The following CEACAM1 variants were observed in gnomAD, a reference collection of about 807,000 sequenced individuals.
CEACAM1 encodes the protein CEA cell adhesion molecule 1.
In CEACAM1, 31 loss-of-function variants were observed where a neutral mutation model predicts 49.1. That is an observed-to-expected ratio of 0.63 (90% CI 0.47 to 0.85). The LOEUF (loss-of-function observed/expected upper bound fraction) is 0.85. Among genes scored for constraint, CEACAM1 ranks in the 40% least tolerant of loss-of-function variants. CEACAM1 has a pLI of 0.00. For missense variants in CEACAM1, 570 were observed against 645.3 expected (o/e 0.88, Z 1.26); for synonymous variants, 244 against 247.8 (o/e 0.98, Z 0.14).
intron 5 of CEACAM1, among the ~76,000 whole-genome samples, chr19:42,513,437 A>G (rs550538939): frequency 1.8e-3 from 269 of 152,104 alleles, no homozygotes; most frequent in African/African-American, 6.1e-3. Context: ...TCTCTACTAA[A>G]AATACAAAAT....
intron 2 of CEACAM1, among the ~76,000 whole-genome samples, chr19:42,522,422 A>G (rs1410921189): frequency 2.0e-5 from 3 of 151,848 alleles, no homozygotes; most frequent in Non-Finnish European, 4.4e-5. Flanking sequence ...TTACAGGCAC[A>G]TGCCACCATG....
At chr19:42,521,246 G>A in intron 4 of CEACAM1, 21 bp downstream of exon 4, 1 of 1,611,466 alleles carries the variant, frequency 6.2e-7, no homozygotes, top group African/African-American at 1.3e-5. Flanking sequence ...TCTTAGTGTT[G>A]ATGCTCCAGG....
At chr19:42,519,849 G>A (rs1359736718) in intron 4 of CEACAM1, among the ~76,000 whole-genome samples, 2 of 152,188 alleles carry the variant, frequency 1.3e-5, no homozygotes, top group Non-Finnish European at 2.9e-5. Context: ...GATTACAGGC[G>A]TGAGCCACTG....
rs1257076171 is a variant in CEACAM1 at position 42,515,190 on chromosome 19, G to A, written c.1247-2711C>T. 5.7e-6 allele frequency: 3 copies of A among 528,384 alleles called. No homozygotes were observed. In the East Asian group the frequency reaches 9.8e-5, roughly 17 times the overall value. 32.7% of individuals were successfully genotyped at this position (528,384 alleles called of 1,614,324 possible). A position where few individuals can be genotyped will look rare whatever the true frequency, so the allele number is the denominator to read the frequency against. On this transcript the variant is annotated intron_variant, in intron 5 of 8. Transcript: ENST00000161559. Reference sequence around the variant, plus strand: ...AGGTGAGGGAATTGCTTGAGCCCAGGAGGTTGAGGCTGCAGTGAGCTGTGT... The same window carrying A: ...AGGTGAGGGAATTGCTTGAGCCCAGAAGGTTGAGGCTGCAGTGAGCTGTGT...
chr19:42,521,808 G>A, intron 3 of CEACAM1, 116 bp downstream of exon 3: 1 of 1,576,358 alleles, frequency 6.3e-7, no homozygotes, highest in Non-Finnish European at 8.6e-7. Flanking sequence ...GGCCAGCCTG[G>A]GTGTCCAGGG....
chr19:42,521,308 G>T lies in CEACAM1; in HGVS notation c.917C>A (p.Thr306Asn). 6.2e-7 allele frequency: 1 copy of T among 1,614,198 alleles called. No homozygotes were observed. The highest frequency in any genetic ancestry group is 8.5e-7 in the Non-Finnish European group (1 of 1,180,012). Residue 306 changes from threonine (T) to asparagine (N), a missense_variant, in exon 4 of 9, where the codon ACT becomes AAT. Coordinates refer to ENST00000161559, the MANE Select transcript of CEACAM1 (RefSeq NM_001712.5). ...SYTCHANNSV[T>N]GCNRTTVKTI... ...CTTGACTGTGGTCCTGTTGCAGCCA[G>T]TGACTGAGTTATTGGCGTGGCAGGT...
At chr19:42,518,730 G>C (rs921280290) in intron 5 of CEACAM1, 26 of 567,958 alleles carry the variant, frequency 4.6e-5, no homozygotes, top group Middle Eastern at 9.6e-4. Context: ...TCGATCTCCT[G>C]CCCTCGTGAT....
At chr19:42,527,740 C>T in intron 1 of CEACAM1, 1 of 252,904 alleles carries the variant, frequency 4.0e-6, no homozygotes, top group South Asian at 8.2e-5. Flanking sequence ...TATTCCCTTT[C>T]TGACCTTTTT....
chr19:42,511,470 G>A lies in CEACAM1; in HGVS notation c.1429+106C>T. ...GTTGGGAAATAGAGATCCTTTCTGT[G>A]AAAATTCAGAAGGGAGGGAGTGGTT... On this transcript the variant is annotated intron_variant, in intron 7 of 8. Coordinates refer to ENST00000161559, the MANE Select transcript of CEACAM1 (RefSeq NM_001712.5). 6.2e-6 allele frequency: 6 copies of A among 962,276 alleles called. No individual in the cohort carries two copies. In the South Asian group the frequency reaches 6.6e-5, roughly 11 times the overall value. The allele number at this position is 962,276 out of a possible 1,614,324, so 59.6% of individuals were successfully genotyped here.
At chr19:42,514,479 A>G (rs1005085849) in intron 5 of CEACAM1, among the ~76,000 whole-genome samples, 2 of 152,150 alleles carry the variant, frequency 1.3e-5, no homozygotes, top group Admixed American at 1.3e-4. Context: ...GGGTTCCACT[A>G]TATTGCCTAG....
intron 2 of CEACAM1, among the ~76,000 whole-genome samples, chr19:42,524,392 G>A (rs1395388383): frequency 6.6e-6 from 1 of 152,196 alleles, no homozygotes; most frequent in Admixed American, 6.5e-5. Context: ...CATGGGCTTT[G>A]GGGACTGCAG....
Position 42,521,476 on chromosome 19 carries a change from C to T in CEACAM1, c.749G>A (p.Arg250His), listed in dbSNP as rs539432247. The T allele has an allele frequency of 4.7e-5, 76 of 1,614,078 alleles. No homozygotes were observed. The South Asian group carries it at 5.1e-4, about 11-fold the overall frequency. Residue 250 changes from arginine (R) to histidine (H), a missense_variant, in exon 4 of 9, where the codon CGT becomes CAT. Transcript: ENST00000161559. ...GGAGAGGCTGAGGTTTGCCCCTGGA[C>T]GGTAATAGGTGTCTGAAGGGGAAAT... ...PTISPSDTYY[R>H]PGANLSLSCY...
intron 8 of CEACAM1, among the ~76,000 whole-genome samples, chr19:42,510,403 A>G (rs141359418): frequency 1.4e-5 from 2 of 142,460 alleles, no homozygotes; most frequent in East Asian, 4.0e-4. Flanking sequence ...GAAAAATTCT[A>G]TAAAATTATT....
At chr19:42,511,737 A>G (rs1052178728) in intron 6 of CEACAM1, 109 bp from the exon 7 acceptor site, 154 of 993,668 alleles carry the variant, frequency 1.5e-4, no homozygotes, top group Middle Eastern at 1.1e-3. Context: ...CTTGATGTTC[A>G]TACTGCCTTT....
In CEACAM1 at chr19:42,527,264, C is replaced by T. The variant is rs2041915887; in HGVS notation, c.201G>A (p.Trp67Ter). The part of the protein sequence containing the change: ...NLPQQLFGYS[W>*]YKGERVDGNR... Reference sequence around the variant, plus strand: ...TGCCATCCACTCTTTCCCCTTTGTACCAGCTGTAGCCAAAAAGTTGCTGGG... The same window carrying T: ...TGCCATCCACTCTTTCCCCTTTGTATCAGCTGTAGCCAAAAAGTTGCTGGG... The change falls in exon 2 of 9, where the codon TGG becomes TGA. Residue 67 changes from tryptophan to a stop codon, truncating the protein, a stop_gained. Coordinates refer to ENST00000161559, the MANE Select transcript of CEACAM1 (RefSeq NM_001712.5). LOFTEE classifies it high-confidence loss of function. 3 of 1,613,872 alleles carry T rather than the reference C, an allele frequency of 1.9e-6. No individual in the cohort carries two copies. The highest frequency in any genetic ancestry group is 2.5e-6 in the Non-Finnish European group (3 of 1,179,962).
intron 5 of CEACAM1, chr19:42,518,474 T>C: frequency 6.1e-6 from 1 of 164,800 alleles, no homozygotes; most frequent in Non-Finnish European, 1.3e-5. Flanking sequence ...AGTATATGTA[T>C]ATTTGATTCA....
At chr19:42,511,302 G>T in intron 7 of CEACAM1, 2 of 584,692 alleles carry the variant, frequency 3.4e-6, no homozygotes, top group Non-Finnish European at 6.1e-6. Flanking sequence ...GAGGCGGAAG[G>T]AGTAAGGCTG....
chr19:42,521,322 G>T lies in CEACAM1; in HGVS notation c.903C>A (p.Ala301=). 1 of 1,614,204 alleles carries T rather than the reference G, an allele frequency of 6.2e-7. No individual in the cohort carries two copies. Among genetic ancestry groups the T allele is most frequent in the South Asian group, 1.1e-5 (1 of 91,086 alleles). Residue 301 remains alanine, a synonymous_variant, in exon 4 of 9, where the codon GCC becomes GCA. Transcript: ENST00000161559. ...VNNSGSYTCH[A]NNSVTGCNRT... is the part of the protein sequence containing the mutation. Reference sequence around the variant, plus strand: ...TGTTGCAGCCAGTGACTGAGTTATTGGCGTGGCAGGTATAGGATCCACTAT... The same window carrying T: ...TGTTGCAGCCAGTGACTGAGTTATTTGCGTGGCAGGTATAGGATCCACTAT...
chr19:42,511,090 G>T (rs2041445259), intron 7 of CEACAM1, 170 bp from the exon 8 acceptor site: 1 of 646,956 alleles, frequency 1.5e-6, no homozygotes, highest in Non-Finnish European at 2.8e-6. Context: ...CCAGAGAGGG[G>T]GCAGGGGCAG....
Sources: gnomAD v4.1 joint callset for allele counts (sites outside exome capture counted in the v4.1 genomes callset) on GRCh38, gnomAD v4.1.1 for gene constraint, MANE v1.5 for transcripts, NCBI Gene and HGNC (gene_info 2026-07-23, HGNC 2026-07-21) for gene names.